Variants in SYNJ2BP observed in about 807,000 individuals in gnomAD.
SYNJ2BP encodes synaptojanin 2 binding protein, also known as synaptojanin-2-binding protein.
A neutral mutation model predicts 16.9 loss-of-function variants in SYNJ2BP; 10 were observed. The ratio of observed to expected loss-of-function variants is 0.59; its 90% CI spans 0.36 to 1.00. The LOEUF (loss-of-function observed/expected upper bound fraction) is 1.00. SYNJ2BP is among the 50% of genes least tolerant of loss of function. The pLI is 0.01. For synonymous variants in SYNJ2BP, 54 were observed against 68.4 expected (o/e 0.79, Z 1.04); for missense variants, 162 against 186.7 (o/e 0.87, Z 0.77).
chr14:70,389,117 GTTC>G (rs1311055953), intron 1 of SYNJ2BP, among the ~76,000 whole-genome samples: 2 of 151,938 alleles, frequency 1.3e-5, no homozygotes, highest in Non-Finnish European at 2.9e-5. Context: ...CTAGATGTAA[GTTC>G]TTCTACTCAC....
intron 3 of SYNJ2BP, among the ~76,000 whole-genome samples, chr14:70,373,729 T>C (rs12431557): frequency 0.87 from 132,525 of 152,192 alleles, 57,763 homozygotes; most frequent in East Asian, 0.93. Context: ...TGAATCTATA[T>C]GGAACAGATG....
chr14:70,382,911 AT>A (rs1363348556), intron 2 of SYNJ2BP, among the ~76,000 whole-genome samples: 1 of 152,192 alleles, frequency 6.6e-6, no homozygotes, highest in African/African-American at 2.4e-5. Flanking sequence ...GCCTCAGGAT[AT>A]TCTAAAACAA....
chr14:70,409,801 G>C (rs945909410), intron 1 of SYNJ2BP, among the ~76,000 whole-genome samples: 4 of 152,104 alleles, frequency 2.6e-5, no homozygotes, highest in African/African-American at 9.7e-5. Flanking sequence ...TCATGTTACT[G>C]CTTCTCTTTA....
intron 2 of SYNJ2BP, among the ~76,000 whole-genome samples, chr14:70,380,031 T>C (rs193300621): frequency 7.4e-4 from 112 of 152,342 alleles, no homozygotes; most frequent in African/African-American, 2.6e-3. Context: ...CATAACCATG[T>C]CTGGAGCTGT....
chr14:70,379,046 C>T (rs1431272494), intron 2 of SYNJ2BP, among the ~76,000 whole-genome samples: 1 of 152,144 alleles, frequency 6.6e-6, no homozygotes, highest in African/African-American at 2.4e-5. Flanking sequence ...CCCTCAAAAT[C>T]ATCTTTGGAG....
chr14:70,404,685 T>C (rs1289086776), intron 1 of SYNJ2BP, among the ~76,000 whole-genome samples: 1 of 152,170 alleles, frequency 6.6e-6, no homozygotes, highest in East Asian at 1.9e-4. Context: ...CGTCAATATA[T>C]ACAATTAAAA....
intron 1 of SYNJ2BP, among the ~76,000 whole-genome samples, chr14:70,396,004 G>A (rs900004367): frequency 2.0e-5 from 3 of 152,072 alleles, no homozygotes; most frequent in African/African-American, 7.2e-5. Context: ...TCTTTTGTAT[G>A]TACATACCAC....
At chr14:70,386,481 T>G (rs2140829866) in intron 2 of SYNJ2BP, among the ~76,000 whole-genome samples, 1 of 152,358 alleles carries the variant, frequency 6.6e-6, no homozygotes, top group South Asian at 2.1e-4. Flanking sequence ...TAGACATTCT[T>G]GAGCTAATTT....
intron 1 of SYNJ2BP, among the ~76,000 whole-genome samples, chr14:70,388,879 A>G (rs1887918918): frequency 6.6e-6 from 1 of 152,108 alleles, no homozygotes; most frequent in Admixed American, 6.5e-5. Context: ...AGATCTATAT[A>G]GAACTTAAAG....
At chr14:70,382,977 C>A (rs2332369) in intron 2 of SYNJ2BP, among the ~76,000 whole-genome samples, 133,042 of 152,194 alleles carry the variant, frequency 0.87, 58,211 homozygotes, top group East Asian at 0.93. Context: ...CAATTTAATA[C>A]GCAATAGATG....
At chr14:70,378,830 T>G (rs1887688603) in intron 2 of SYNJ2BP, among the ~76,000 whole-genome samples, 1 of 152,190 alleles carries the variant, frequency 6.6e-6, no homozygotes, top group South Asian at 2.1e-4. Context: ...CTTTTCCTTT[T>G]GTTCCCAAGC....
intron 2 of SYNJ2BP, among the ~76,000 whole-genome samples, chr14:70,386,388 A>G (rs573152026): frequency 2.4e-4 from 37 of 152,344 alleles, no homozygotes; most frequent in Non-Finnish European, 4.3e-4. Context: ...GACTGAAGAG[A>G]GGCAGAATAG....
At chr14:70,407,243 A>G (rs1464136352) in intron 1 of SYNJ2BP, among the ~76,000 whole-genome samples, 1 of 152,134 alleles carries the variant, frequency 6.6e-6, no homozygotes, top group Non-Finnish European at 1.5e-5. Context: ...CCTGACTAAC[A>G]TGGTGAAACC....
chr14:70,390,601 G>A (rs184767389), intron 1 of SYNJ2BP, among the ~76,000 whole-genome samples: 98 of 151,870 alleles, frequency 6.5e-4, no homozygotes, highest in African/African-American at 2.3e-3. Flanking sequence ...CCGGGAGGTG[G>A]AGTTTGCAGT....
chr14:70,404,492 A>G (rs1888306529), intron 1 of SYNJ2BP, among the ~76,000 whole-genome samples: 1 of 152,246 alleles, frequency 6.6e-6, no homozygotes, highest in Non-Finnish European at 1.5e-5. Flanking sequence ...AAAATGTCTG[A>G]GTCATTTACA....
At chr14:70,382,901 G>A (rs1201988133) in intron 2 of SYNJ2BP, among the ~76,000 whole-genome samples, 1 of 152,098 alleles carries the variant, frequency 6.6e-6, no homozygotes, top group Non-Finnish European at 1.5e-5. Context: ...ATTTTGAATT[G>A]CCTCAGGATA....
At chr14:70,396,468 C>A (rs1485771280) in intron 1 of SYNJ2BP, among the ~76,000 whole-genome samples, 1 of 152,092 alleles carries the variant, frequency 6.6e-6, no homozygotes, top group Non-Finnish European at 1.5e-5. Flanking sequence ...TGCAGAATCA[C>A]ATGGTAATTA....
chr14:70,388,255 TG>T (rs1305905516), intron 2 of SYNJ2BP, among the ~76,000 whole-genome samples: 1 of 152,246 alleles, frequency 6.6e-6, no homozygotes, highest in African/African-American at 2.4e-5. Flanking sequence ...CTTCACATTC[TG>T]GGCTTCACAT....
chr14:70,417,086 A>C lies in SYNJ2BP; in HGVS notation c.-123T>G. 1.4e-6 allele frequency: 2 copies of C among 1,453,262 alleles called. No individual in the cohort carries two copies. The highest frequency in any genetic ancestry group is 1.3e-5 in the South Asian group (1 of 79,646). 90.0% of individuals were successfully genotyped at this position (1,453,262 alleles called of 1,614,324 possible). A position where few individuals can be genotyped will look rare whatever the true frequency, so the allele number is the denominator to read the frequency against. ...CGGTTTCAGCAGCCTCGAGACCCGG[A>C]AAAGGAAGCCCGAAGGACTCGGAGC... is the stretch of plus-strand genomic sequence containing the variant. On this transcript the variant is annotated 5_prime_UTR_variant, in exon 1 of 4. Transcript: ENST00000256366.
Sources: gnomAD v4.1 joint callset for allele counts (sites outside exome capture counted in the v4.1 genomes callset) on GRCh38, gnomAD v4.1.1 for gene constraint, MANE v1.5 for transcripts, NCBI Gene and HGNC (gene_info 2026-07-23, HGNC 2026-07-21) for gene names.